EXTL3: variants seen among roughly 807,000 people sequenced by gnomAD.
EXTL3 encodes the protein exostosin-like 3.
Under a neutral mutation model 69.3 loss-of-function variants are expected in EXTL3, and 27 were observed. That is an observed-to-expected ratio of 0.39 (90% CI 0.29 to 0.54). EXTL3 has a LOEUF of 0.54. Ranked by LOEUF, EXTL3 falls within the 20% of genes least tolerant of loss-of-function variation. The probability of loss-of-function intolerance (pLI) is 0.69; values close to 1 mark genes in which losing one functional copy is unlikely to be tolerated. For synonymous variants in EXTL3, 511 were observed against 499.4 expected, an observed-to-expected ratio of 1.02 and a Z score of -0.31; for missense variants, 1,003 against 1,231.8, an observed-to-expected ratio of 0.81 and a Z score of 2.78.
chr8:28,696,010 T>C (rs1441791226), intron 1 of EXTL3, among the ~76,000 whole-genome samples: 1 of 151,962 alleles, frequency 6.6e-6, no homozygotes, highest in Admixed American at 6.6e-5. Flanking sequence ...CTCAACCTCC[T>C]GGCTCAAGCG....
At chr8:28,679,229 C>T (rs1049497596) in intron 1 of EXTL3, among the ~76,000 whole-genome samples, 2 of 152,028 alleles carry the variant, frequency 1.3e-5, no homozygotes, top group South Asian at 2.1e-4. Context: ...GGGCAGATCA[C>T]GAGGTCAAGA....
intron 1 of EXTL3, among the ~76,000 whole-genome samples, chr8:28,712,422 T>G (rs968479179): frequency 4.6e-5 from 7 of 152,018 alleles, no homozygotes; most frequent in African/African-American, 1.7e-4. Flanking sequence ...TGGAGTGCAT[T>G]GTAGGGGCAG....
At chr8:28,720,772 GGTGA>G (rs1801277434) in intron 3 of EXTL3, among the ~76,000 whole-genome samples, 1 of 152,170 alleles carries the variant, frequency 6.6e-6, no homozygotes, top group Non-Finnish European at 1.5e-5. Flanking sequence ...GAGGGGCGAT[GGTGA>G]GTGTCTGCTC....
chr8:28,637,843 G>T (rs1456913356), intron 1 of EXTL3, among the ~76,000 whole-genome samples: 1 of 152,004 alleles, frequency 6.6e-6, no homozygotes, highest in East Asian at 1.9e-4. Context: ...TCTATCCAGG[G>T]ACCTCCTTCC....
At chr8:28,611,856 G>A (rs1806275606) in intron 2 of EXTL3, among the ~76,000 whole-genome samples, 1 of 152,172 alleles carries the variant, frequency 6.6e-6, no homozygotes, top group Non-Finnish European at 1.5e-5. Context: ...ACAGAACCGA[G>A]TCTGTTCGCT....
intron 1 of EXTL3, among the ~76,000 whole-genome samples, chr8:28,638,498 A>G (rs1806690387): frequency 6.6e-6 from 1 of 152,206 alleles, no homozygotes; most frequent in African/African-American, 2.4e-5. Flanking sequence ...ACTCTCAGGC[A>G]GCCTCTTTCC....
chr8:28,684,100 G>A (rs1807538184), intron 1 of EXTL3, among the ~76,000 whole-genome samples: 1 of 152,136 alleles, frequency 6.6e-6, no homozygotes, highest in Non-Finnish European at 1.5e-5. Flanking sequence ...TGCTGCAGGT[G>A]ACAGGGTCTC....
chr8:28,754,559 T>C lies in EXTL3; in HGVS notation c.*3693T>C, dbSNP rs1802077812. ...CTGTTCTTCCAGCCATCCATCTCCA[T>C]GTTACGATTGTCCTGGGACCAGAGA... is the stretch of plus-strand genomic sequence containing the variant. On this transcript the variant is annotated 3_prime_UTR_variant, in exon 7 of 7. Coordinates refer to ENST00000220562, the MANE Select transcript of EXTL3 (RefSeq NM_001440.4). The C allele has an allele frequency of 6.6e-6, 1 of 152,102 alleles. No homozygotes were observed. Among genetic ancestry groups the C allele is most frequent in the African/African-American group, 2.4e-5 (1 of 41,378 alleles). The allele number at this position is 152,102 out of a possible 1,614,324, so 9.4% of individuals were successfully genotyped here.
chr8:28,723,570 AC>A (rs1338378256), intron 3 of EXTL3, among the ~76,000 whole-genome samples: 2 of 151,416 alleles, frequency 1.3e-5, no homozygotes, highest in Non-Finnish European at 2.9e-5. Flanking sequence ...GGAATCTGAG[AC>A]TGTAAGAATT....
In EXTL3 at chr8:28,715,740, G is replaced by A. The variant is rs1260298715; in HGVS notation, c.-320G>A. The A allele has an allele frequency of 3.7e-5, 14 of 376,018 alleles. 1 individual carries two copies. The Middle Eastern group carries it at 2.2e-3, about 60-fold the overall frequency. The allele number at this position is 376,018 out of a possible 1,614,324, so 23.3% of individuals were successfully genotyped here. A position where few individuals can be genotyped will look rare whatever the true frequency, so the allele number is the denominator to read the frequency against. ...TTGAAAAAGTCTGTCTGATTCCAGG[G>A]TGTTTTTCCTGGGTTTCATCATCAG... On this transcript the variant is annotated 5_prime_UTR_variant, in exon 3 of 7. The change creates a new upstream start codon in the 5' untranslated region. Coordinates refer to ENST00000220562, the MANE Select transcript of EXTL3 (RefSeq NM_001440.4).
upstream of EXTL3, among the ~76,000 whole-genome samples, chr8:28,617,987 G>C (rs1168031952): frequency 6.6e-6 from 1 of 152,184 alleles, no homozygotes; most frequent in Non-Finnish European, 1.5e-5. Flanking sequence ...GGGGTCTAAG[G>C]GGAGAGGGGA....
At chr8:28,724,625 G>A (rs1407590370) in intron 3 of EXTL3, among the ~76,000 whole-genome samples, 1 of 149,996 alleles carries the variant, frequency 6.7e-6, no homozygotes. Flanking sequence ...AAAAGAAGAA[G>A]AAAAAAAGAA....
intron 3 of EXTL3, among the ~76,000 whole-genome samples, chr8:28,725,769 TAGCC>T (rs1258024861): frequency 6.6e-6 from 1 of 152,116 alleles, no homozygotes; most frequent in Non-Finnish European, 1.5e-5. Flanking sequence ...CATGAAGAAA[TAGCC>T]AGTATTGTGG....
rs1477508536 is a variant in EXTL3, at chr8:28,623,714, T to G, written c.-53+904T>G. Reference sequence around the variant, plus strand: ...TTTTATTTAAAACCTTCCCCCTATATTTTCATTCCCATAAATACGAATTGG... The same window carrying G: ...TTTTATTTAAAACCTTCCCCCTATAGTTTCATTCCCATAAATACGAATTGG... On this transcript the variant is annotated intron_variant, in intron 1 of 6. Coordinates refer to the EXTL3 transcript ENST00000523149. The surrounding 1 kb of genome is among the most constrained non-coding windows in gnomAD (Gnocchi z 4.2). 6.6e-6 allele frequency among the ~76,000 whole-genome samples: 1 copy of G among 152,190 alleles called. No homozygotes were observed. Among genetic ancestry groups the G allele is most frequent in the Non-Finnish European group, 1.5e-5 (1 of 68,038 alleles).
At chr8:28,610,695 G>A (rs1020164920) in intron 2 of EXTL3, among the ~76,000 whole-genome samples, 3 of 151,572 alleles carry the variant, frequency 2.0e-5, no homozygotes, top group African/African-American at 7.3e-5. Context: ...ATGGGCTCAG[G>A]TTGGTAAAAT....
chr8:28,658,192 C>T lies in EXTL3; in HGVS notation c.-53+35382C>T, dbSNP rs117569949. ...AAAGCTGAGGGCATATGCTTGACAC[C>T]GGACGGTGGGTGGGGGGGGTCCCTC... On this transcript the variant is annotated intron_variant, in intron 1 of 6. Transcript: ENST00000523149. Among the ~76,000 whole-genome samples, 469 of 138,280 alleles carry T rather than the reference C, an allele frequency of 3.4e-3. 2 individuals are homozygous for T. The East Asian group carries it at 0.038, about 11-fold the overall frequency. The allele number at this position is 138,280 out of a possible 152,430, so 90.7% of individuals were successfully genotyped here.
intron 1 of EXTL3, among the ~76,000 whole-genome samples, chr8:28,694,127 T>C (rs1800653494): frequency 6.6e-6 from 1 of 152,208 alleles, no homozygotes; most frequent in Admixed American, 6.5e-5. Flanking sequence ...GTAACTGTTA[T>C]CACCAGTTTC....
intron 5 of EXTL3, chr8:28,741,751 C>G (rs1443173119): frequency 6.6e-6 from 1 of 152,118 alleles, no homozygotes; most frequent in Non-Finnish European, 1.5e-5. Flanking sequence ...AGCCACCATG[C>G]CCAGCCTGGA....
intron 3 of EXTL3, among the ~76,000 whole-genome samples, chr8:28,725,351 C>T (rs1284804787): frequency 1.3e-5 from 2 of 152,060 alleles, no homozygotes; most frequent in Admixed American, 6.6e-5. Flanking sequence ...GTGTGTGAGA[C>T]AGGCCAAGCA....
Sources: gnomAD v4.1 joint callset for allele counts (sites outside exome capture counted in the v4.1 genomes callset) on GRCh38, gnomAD v4.1.1 for gene constraint, Gnocchi (gnomAD v3.1) non-coding constraint, MANE v1.5 for transcripts, NCBI Gene and HGNC (gene_info 2026-07-23, HGNC 2026-07-21) for gene names.